The following MMP16 variants were observed in gnomAD, a reference collection of about 807,000 sequenced individuals.
The protein encoded by MMP16 is matrix metalloproteinase-16.
In MMP16, 12 loss-of-function variants were observed where a neutral mutation model predicts 67.8. The observed-to-expected ratio is 0.18, with a 90% confidence interval of 0.11 to 0.29. MMP16 has a LOEUF of 0.29. Among genes scored for constraint, MMP16 ranks in the 10% least tolerant of loss-of-function variants. MMP16 has a pLI of 1.00. For missense variants in MMP16, 475 were observed against 765.7 expected, an observed-to-expected ratio of 0.62 and a Z score of 4.48; for synonymous variants, 249 against 255.9, an observed-to-expected ratio of 0.97 and a Z score of 0.26.
At chr8:88,176,785 T>C (rs898279650) in intron 3 of MMP16, among the ~76,000 whole-genome samples, 2 of 152,212 alleles carry the variant, frequency 1.3e-5, no homozygotes, top group Non-Finnish European at 2.9e-5. Flanking sequence ...TATTAATCTA[T>C]CTTTGTGCTA....
chr8:88,260,380 C>G (rs1810368609), intron 1 of MMP16, among the ~76,000 whole-genome samples: 1 of 151,964 alleles, frequency 6.6e-6, no homozygotes, highest in Non-Finnish European at 1.5e-5. Flanking sequence ...TTCCTTGCTA[C>G]TTAAGACTTC....
rs546826271 is a variant in MMP16 at position 88,276,267 on chromosome 8, A to C, written c.132+50808T>G. ...CATTGCAAAAAATATGTAGCATCTT[A>C]TATACCTAAATTGTAAATGTATGTG... On this transcript the variant is annotated intron_variant, in intron 1 of 9. Coordinates refer to ENST00000286614, the MANE Select transcript of MMP16 (RefSeq NM_005941.5). 3.3e-5 allele frequency among the ~76,000 whole-genome samples: 5 copies of C among 152,230 alleles called. No individual in the cohort carries two copies. In the East Asian group the frequency reaches 9.6e-4, roughly 29 times the overall value.
At chr8:88,312,850 C>A (rs2130069844) in intron 1 of MMP16, among the ~76,000 whole-genome samples, 1 of 152,192 alleles carries the variant, frequency 6.6e-6, no homozygotes, top group Middle Eastern at 3.4e-3. Context: ...TGCCTGTAAT[C>A]CCAGCCACTT....
intron 3 of MMP16, among the ~76,000 whole-genome samples, chr8:88,171,132 A>G (rs1226895186): frequency 9.2e-5 from 14 of 152,224 alleles, no homozygotes. Context: ...GCAAAATAAT[A>G]TAATAAAAAT....
rs559147916 is a variant in MMP16, at chr8:88,228,341, A to T, written c.133-31035T>A. On this transcript the variant is annotated intron_variant, in intron 1 of 9. Transcript: ENST00000286614. The stretch of plus-strand genomic sequence containing the variant: ...TTTCATGAAGAATTATTTTTAACAG[A>T]TATCAAAATAACTGCAGAACGATTA... Among the ~76,000 whole-genome samples the T allele has an allele frequency of 3.6e-3, 545 of 152,242 alleles. 5 individuals carry two copies. Among genetic ancestry groups the T allele is most frequent in the African/African-American group, 0.012 (516 of 41,560 alleles).
At chr8:88,161,669 G>T (rs1808626144) in intron 4 of MMP16, among the ~76,000 whole-genome samples, 1 of 151,868 alleles carries the variant, frequency 6.6e-6, no homozygotes, top group African/African-American at 2.4e-5. Flanking sequence ...GATCTTTCCT[G>T]CTTTCTCTCG....
chr8:88,099,491 C>G (rs533876957), intron 6 of MMP16, among the ~76,000 whole-genome samples: 6 of 151,810 alleles, frequency 4.0e-5, no homozygotes, highest in Admixed American at 1.3e-4. Context: ...ATCAGTTCAG[C>G]TATTTTGAAA....
At chr8:88,233,932 T>C (rs925795893) in intron 1 of MMP16, among the ~76,000 whole-genome samples, 1 of 152,224 alleles carries the variant, frequency 6.6e-6, no homozygotes, top group South Asian at 2.1e-4. Flanking sequence ...TATTTCACAA[T>C]GATAATTCTA....
chr8:88,041,866 T>A lies in MMP16; in HGVS notation c.1490-71A>T. 8.9e-7 allele frequency: 1 copy of A among 1,125,570 alleles called. No individual in the cohort carries two copies. Among genetic ancestry groups the A allele is most frequent in the Non-Finnish European group, 1.3e-6 (1 of 784,202 alleles). 69.7% of individuals were successfully genotyped at this position (1,125,570 alleles called of 1,614,324 possible). A position where few individuals can be genotyped will look rare whatever the true frequency, so the allele number is the denominator to read the frequency against. The stretch of plus-strand genomic sequence containing the variant: ...CAGTGTATATGTAGAGAAATGTTAC[T>A]AAAATAGGCTATGTCTTAAGAGATG... On this transcript the variant is annotated intron_variant, in intron 9 of 9. Coordinates refer to ENST00000286614, the MANE Select transcript of MMP16 (RefSeq NM_005941.5). This position sits in a 1 kb window ranked among gnomAD's most constrained non-coding sequence, Gnocchi z 6.0.
chr8:88,208,078 A>C (rs926811202), intron 1 of MMP16, among the ~76,000 whole-genome samples: 5 of 152,218 alleles, frequency 3.3e-5, no homozygotes, highest in Non-Finnish European at 4.4e-5. Context: ...CTTGAAGAAA[A>C]TCATTGAGAA....
chr8:88,298,884 G>A (rs1188865803), intron 1 of MMP16, among the ~76,000 whole-genome samples: 1 of 151,800 alleles, frequency 6.6e-6, no homozygotes, highest in Non-Finnish European at 1.5e-5. Flanking sequence ...TCAATACCTG[G>A]TTATAATTAA....
chr8:88,055,487 C>T (rs928240711), intron 8 of MMP16, among the ~76,000 whole-genome samples: 2 of 152,194 alleles, frequency 1.3e-5, no homozygotes, highest in East Asian at 3.8e-4. Flanking sequence ...GGATTACAGG[C>T]ATGAGCCAAC....
chr8:88,268,244 A>T (rs1810509381), intron 1 of MMP16, among the ~76,000 whole-genome samples: 1 of 152,170 alleles, frequency 6.6e-6, no homozygotes, highest in Non-Finnish European at 1.5e-5. Flanking sequence ...TGGGAGGCTG[A>T]GGCAGGAGAA....
chr8:88,200,280 T>C (rs561508522), intron 1 of MMP16, among the ~76,000 whole-genome samples: 1 of 152,144 alleles, frequency 6.6e-6, no homozygotes, highest in Non-Finnish European at 1.5e-5. Context: ...TGTTATGTTT[T>C]CTTCATTTTG....
At chr8:88,170,319 T>C (rs942442987) in intron 3 of MMP16, among the ~76,000 whole-genome samples, 1 of 151,838 alleles carries the variant, frequency 6.6e-6, no homozygotes, top group Non-Finnish European at 1.5e-5. Context: ...CTATAAACTA[T>C]ATTTTGAGGA....
rs1420873347 is a variant in MMP16 at position 88,036,133 on chromosome 8, T to G, written c.*5328A>C. ...TCTAACATTATATATCTTTCCAACT[T>G]GAGGTTACTGAACACCTACCTCTTA... is the stretch of plus-strand genomic sequence containing the variant. On this transcript the variant is annotated 3_prime_UTR_variant, in exon 10 of 10. Transcript: ENST00000286614. 6.6e-6 allele frequency: 1 copy of G among 151,916 alleles called. No individual in the cohort carries two copies. The highest frequency in any genetic ancestry group is 1.5e-5 in the Non-Finnish European group (1 of 67,848). The allele number at this position is 151,916 out of a possible 1,614,324, so 9.4% of individuals were successfully genotyped here. A position where few individuals can be genotyped will look rare whatever the true frequency, so the allele number is the denominator to read the frequency against.
intron 4 of MMP16, among the ~76,000 whole-genome samples, chr8:88,139,335 C>T (rs187260604): frequency 5.3e-5 from 8 of 152,152 alleles, no homozygotes; most frequent in Admixed American, 3.3e-4. Flanking sequence ...GATAGGTCAT[C>T]GGCGTATCCC....
intron 3 of MMP16, among the ~76,000 whole-genome samples, chr8:88,185,800 C>T (rs900497987): frequency 1.6e-4 from 24 of 152,178 alleles, no homozygotes; most frequent in Middle Eastern, 6.8e-3. Context: ...CCTGTCCTTT[C>T]TTTTTATAAC....
intron 5 of MMP16, 144 bp downstream of exon 5, chr8:88,118,556 G>T: frequency 1.5e-6 from 1 of 672,464 alleles, no homozygotes; most frequent in Non-Finnish European, 2.4e-6. Context: ...TCAGTTGATA[G>T]AATAATTTTG....
Sources: allele counts gnomAD v4.1 joint callset (sites outside exome capture counted in the v4.1 genomes callset), GRCh38; gene constraint gnomAD v4.1.1; non-coding constraint Gnocchi (gnomAD v3.1); transcripts MANE v1.5; gene names NCBI Gene and HGNC (gene_info 2026-07-23, HGNC 2026-07-21).